TRMT9B: variants seen among roughly 807,000 people sequenced by gnomAD.
TRMT9B encodes tRNA methyltransferase 9B (putative), also known as probable tRNA methyltransferase 9B.
In TRMT9B, 16 loss-of-function variants were observed where a neutral mutation model predicts 11.5. The observed-to-expected ratio is 1.39, with a 90% CI of 0.94 to 2.11. The LOEUF (loss-of-function observed/expected upper bound fraction) is 2.11. Ranked by LOEUF, TRMT9B falls within the 30% of genes most tolerant of loss-of-function variation. TRMT9B has a pLI of 0.00. For missense variants in TRMT9B, 941 were observed against 553.8 expected, an observed-to-expected ratio of 1.70 and a Z score of -7.02; for synonymous variants, 274 against 192.4, an observed-to-expected ratio of 1.42 and a Z score of -3.51.
At position 13,020,922 on chromosome 8, in the gene TRMT9B, T is replaced by A. The variant is rs1251250337; in HGVS notation, c.329-86T>A. ...GGTTTCATTAGATGTCAAAATTTCA[T>A]CCTTGTTATATGGTAAACACCAGTG... On this transcript the variant is annotated intron_variant, in intron 4 of 4. Transcript: ENST00000524591. 5 of 867,418 alleles carry A rather than the reference T, an allele frequency of 5.8e-6. No homozygotes were observed. In the Admixed American group the frequency reaches 1.0e-4, roughly 18 times the overall value. 53.7% of individuals were successfully genotyped at this position (867,418 alleles called of 1,614,324 possible). A position where few individuals can be genotyped will look rare whatever the true frequency, so the allele number is the denominator to read the frequency against.
In TRMT9B at chr8:13,029,155, A is replaced by C. The variant is rs909055302; in HGVS notation, c.*7111A>C. ...TGAATACATCAAATTAGCAATTACC[A>C]TAGAAATGTATTTCATTGAATAAAT... is the stretch of plus-strand genomic sequence containing the variant. On this transcript the variant is annotated 3_prime_UTR_variant, in exon 5 of 5. Transcript: ENST00000524591. 1 of 166,720 alleles carries C rather than the reference A, an allele frequency of 6.0e-6. No individual in the cohort carries two copies. Among genetic ancestry groups the C allele is most frequent in the African/African-American group, 2.4e-5 (1 of 41,246 alleles). The allele number at this position is 166,720 out of a possible 1,614,324, so 10.3% of individuals were successfully genotyped here.
intron 2 of TRMT9B, among the ~76,000 whole-genome samples, chr8:12,997,959 G>T (rs986792901): frequency 1.3e-5 from 2 of 152,122 alleles, no homozygotes; most frequent in African/African-American, 4.8e-5. Flanking sequence ...TAGGTGGTGG[G>T]ATCCTATTGT....
chr8:13,024,770 C>A lies in TRMT9B; in HGVS notation c.*2726C>A, dbSNP rs1229109731. 3 of 167,008 alleles carry A rather than the reference C, an allele frequency of 1.8e-5. No individual in the cohort carries two copies. The highest frequency in any genetic ancestry group is 7.2e-5 in the African/African-American group (3 of 41,440). The allele number at this position is 167,008 out of a possible 1,614,324, so 10.3% of individuals were successfully genotyped here. On this transcript the variant is annotated 3_prime_UTR_variant, in exon 5 of 5. Transcript: ENST00000524591. ...AGCATGCTGACTAATAAGTCTTTTACTCTTCATCTAATGAACATAAGAATC... is the reference window on the plus strand; with the variant it reads ...AGCATGCTGACTAATAAGTCTTTTAATCTTCATCTAATGAACATAAGAATC...
At chr8:12,971,798 G>A (rs562684546) in intron 1 of TRMT9B, among the ~76,000 whole-genome samples, 2 of 152,250 alleles carry the variant, frequency 1.3e-5, no homozygotes, top group East Asian at 3.9e-4. Context: ...ATATTTTCAT[G>A]ACCAAAATTG....
intron 1 of TRMT9B, chr8:12,952,328 C>G (rs975373343): frequency 6.9e-5 from 23 of 332,006 alleles, no homozygotes; most frequent in Non-Finnish European, 1.0e-4. Context: ...AGCGCGTGCC[C>G]CGGAGCCCGC....
intron 2 of TRMT9B, among the ~76,000 whole-genome samples, chr8:13,002,028 A>C (rs764786110): frequency 1.4e-4 from 22 of 152,246 alleles, no homozygotes; most frequent in Admixed American, 9.2e-4. Flanking sequence ...AGCATTTAAA[A>C]TTTAAATCTG....
intron 1 of TRMT9B, among the ~76,000 whole-genome samples, chr8:12,964,481 T>C (rs745387143): frequency 1.3e-5 from 2 of 152,222 alleles, no homozygotes; most frequent in Non-Finnish European, 2.9e-5. Context: ...TAATTTGTTT[T>C]TTACTTTTAA....
chr8:12,947,292 C>T (rs1409521571), intron 1 of TRMT9B, among the ~76,000 whole-genome samples: 1 of 152,226 alleles, frequency 6.6e-6, no homozygotes, highest in Non-Finnish European at 1.5e-5. Flanking sequence ...AAGTTAAGCT[C>T]ACCCGGGTCT....
chr8:13,022,037 G>T lies in TRMT9B; in HGVS notation c.1358G>T (p.Cys453Phe). ...ATCATTGCAGAGAAAAAGAGAGGTT[G>T]TGATTGATTGGATCCTTTTAGACAA... The part of the protein sequence containing the change: ...WCIIAEKKRG[C>F]D The change falls in exon 5 of 5, where the codon TGT becomes TTT. Residue 453 changes from cysteine (C) to phenylalanine (F), a missense_variant. Coordinates refer to ENST00000524591, the MANE Select transcript of TRMT9B (RefSeq NM_020844.3). 1 of 1,572,906 alleles carries T rather than the reference G, an allele frequency of 6.4e-7. No individual in the cohort carries two copies. The highest frequency in any genetic ancestry group is 8.6e-7 in the Non-Finnish European group (1 of 1,161,640).
intron 1 of TRMT9B, among the ~76,000 whole-genome samples, chr8:12,986,644 A>T (rs1340866600): frequency 6.6e-6 from 1 of 152,198 alleles, no homozygotes; most frequent in Non-Finnish European, 1.5e-5. Context: ...TATGGCCATT[A>T]CTAAAGTTTC....
intron 1 of TRMT9B, among the ~76,000 whole-genome samples, chr8:12,957,528 A>C (rs1413310038): frequency 6.6e-6 from 1 of 152,218 alleles, no homozygotes; most frequent in Non-Finnish European, 1.5e-5. Flanking sequence ...ATGGTAATTC[A>C]ATGACTTAAT....
intron 1 of TRMT9B, among the ~76,000 whole-genome samples, chr8:12,947,316 G>C (rs1157968575): frequency 1.3e-5 from 2 of 152,200 alleles, no homozygotes; most frequent in African/African-American, 2.4e-5. Context: ...ATTCAGCCTG[G>C]TGATGATTCC....
intron 3 of TRMT9B, chr8:13,011,292 T>G (rs1811569719): frequency 1.0e-6 from 1 of 985,170 alleles, no homozygotes; most frequent in African/African-American, 1.7e-5. Flanking sequence ...GACCCCAAAT[T>G]TTATTTTTTA....
rs560565773 is a variant in TRMT9B at position 13,027,958 on chromosome 8, T to A, written c.*5914T>A. 6.0e-6 allele frequency: 1 copy of A among 167,112 alleles called. No homozygotes were observed. The highest frequency in any genetic ancestry group is 2.4e-5 in the African/African-American group (1 of 41,598). 10.4% of individuals were successfully genotyped at this position (167,112 alleles called of 1,614,324 possible). A position where few individuals can be genotyped will look rare whatever the true frequency, so the allele number is the denominator to read the frequency against. On this transcript the variant is annotated 3_prime_UTR_variant, in exon 5 of 5. Coordinates refer to ENST00000524591, the MANE Select transcript of TRMT9B (RefSeq NM_020844.3). ...ACCTCAGTTATCTACAACACTGAGG[T>A]GCAAACATTTAAAAAGATCTCTCAC... is the stretch of plus-strand genomic sequence containing the variant.
intron 1 of TRMT9B, among the ~76,000 whole-genome samples, chr8:12,966,173 T>C (rs1388545773): frequency 6.6e-6 from 1 of 151,308 alleles, no homozygotes; most frequent in Non-Finnish European, 1.5e-5. Context: ...CTACAGAAAG[T>C]GAAAAAAACA....
At chr8:13,005,577 A>AT (rs1810307382) in intron 2 of TRMT9B, among the ~76,000 whole-genome samples, 1 of 152,226 alleles carries the variant, frequency 6.6e-6, no homozygotes, top group Admixed American at 6.5e-5. Context: ...ACCCACAAAA[A>AT]TTAAAAATAA....
chr8:12,957,879 C>T (rs918736592), intron 1 of TRMT9B, among the ~76,000 whole-genome samples: 1 of 152,134 alleles, frequency 6.6e-6, no homozygotes, highest in Non-Finnish European at 1.5e-5. Flanking sequence ...ACCATCGCTG[C>T]CATCCATCTC....
In TRMT9B at chr8:13,023,465, A is replaced by T. The variant is rs1382467393; in HGVS notation, c.*1421A>T. The T allele has an allele frequency of 4.8e-5, 8 of 167,086 alleles. No homozygotes were observed. Among genetic ancestry groups the T allele is most frequent in the African/African-American group, 1.7e-4 (7 of 41,464 alleles). 10.4% of individuals were successfully genotyped at this position (167,086 alleles called of 1,614,324 possible). Reference sequence around the variant, plus strand: ...ACTGATTACAGGTTGAATTTCTGTCACTTTGTAGAGAAACGAATAGACTGG... The same window carrying T: ...ACTGATTACAGGTTGAATTTCTGTCTCTTTGTAGAGAAACGAATAGACTGG... On this transcript the variant is annotated 3_prime_UTR_variant, in exon 5 of 5. Transcript: ENST00000524591.
At chr8:12,967,805 C>T (rs1254321587) in intron 1 of TRMT9B, among the ~76,000 whole-genome samples, 2 of 152,204 alleles carry the variant, frequency 1.3e-5, no homozygotes, top group Admixed American at 6.5e-5. Context: ...GGTTTTGAAG[C>T]ATTGTTAACA....
Sources: allele counts gnomAD v4.1 joint callset (sites outside exome capture counted in the v4.1 genomes callset), GRCh38; gene constraint gnomAD v4.1.1; transcripts MANE v1.5; gene names NCBI Gene and HGNC (gene_info 2026-07-23, HGNC 2026-07-21).